The following THEM4 variants were observed in gnomAD, a reference collection of about 807,000 sequenced individuals.
THEM4 encodes thioesterase superfamily member 4.
Under a neutral mutation model 25.0 loss-of-function variants are expected in THEM4, and 22 were observed. The ratio of observed to expected loss-of-function variants is 0.88; its 90% CI spans 0.63 to 1.26. THEM4 has a LOEUF of 1.26. THEM4 is among the 50% of genes most tolerant of loss of function. THEM4 has a pLI of 0.00. For synonymous variants in THEM4, 113 were observed against 105.6 expected, an observed-to-expected ratio of 1.07 and a Z score of -0.43; for missense variants, 286 against 300.3, an observed-to-expected ratio of 0.95 and a Z score of 0.35.
intron 4 of THEM4, among the ~76,000 whole-genome samples, chr1:151,884,831 G>A (rs1311301771): frequency 6.6e-6 from 1 of 151,606 alleles, no homozygotes; most frequent in Admixed American, 6.6e-5. Context: ...TGAGATTACA[G>A]GTGCGCACCA....
chr1:151,901,137 C>T (rs1654342609), intron 1 of THEM4, among the ~76,000 whole-genome samples: 1 of 152,182 alleles, frequency 6.6e-6, no homozygotes, highest in Non-Finnish European at 1.5e-5. Flanking sequence ...GGGTAAATCT[C>T]TGTTAGGGGC....
intron 1 of THEM4, among the ~76,000 whole-genome samples, chr1:151,898,685 A>C (rs1654277327): frequency 6.6e-6 from 1 of 152,214 alleles, no homozygotes; most frequent in Non-Finnish European, 1.5e-5. Context: ...AGTCCACTGC[A>C]CCCTCTGCCA....
At chr1:151,897,456 G>C (rs1045041529) in intron 1 of THEM4, among the ~76,000 whole-genome samples, 1 of 152,144 alleles carries the variant, frequency 6.6e-6, no homozygotes, top group Non-Finnish European at 1.5e-5. Flanking sequence ...TCCTGCCCTC[G>C]AACATCGGAC....
At chr1:151,908,458 C>A (rs1415003202) in intron 1 of THEM4, among the ~76,000 whole-genome samples, 1 of 152,126 alleles carries the variant, frequency 6.6e-6, no homozygotes, top group South Asian at 2.1e-4. Context: ...TCTGTATGCC[C>A]TTTCGCTATT....
chr1:151,887,618 T>TTG lies in THEM4; in HGVS notation c.557+653_557+654dup, dbSNP rs369505174. ...CTGTGGACTGAAAAGACTCGGTGTT[T>TTG]TGTGTGTGTGTGTGTGTTTTTGTTG... On this transcript the variant is annotated intron_variant, in intron 4 of 5. Coordinates refer to ENST00000368814, the MANE Select transcript of THEM4 (RefSeq NM_053055.5). Among the ~76,000 whole-genome samples, 42 of 150,974 alleles carry TTG rather than the reference T, an allele frequency of 2.8e-4. 1 individual carries two copies. The Middle Eastern group carries it at 0.014, about 49-fold the overall frequency.
intron 2 of THEM4, among the ~76,000 whole-genome samples, chr1:151,892,762 C>G (rs1395786901): frequency 6.6e-6 from 1 of 152,026 alleles, no homozygotes; most frequent in African/African-American, 2.4e-5. Flanking sequence ...AAATTTCAAC[C>G]ATTTAATTAA....
intron 1 of THEM4, among the ~76,000 whole-genome samples, chr1:151,909,132 C>T (rs1654539830): frequency 6.6e-6 from 1 of 152,186 alleles, no homozygotes; most frequent in South Asian, 2.1e-4. Context: ...CCGACCCTGT[C>T]TCTTAAAAAA....
chr1:151,885,870 T>A (rs1471805555), intron 4 of THEM4, among the ~76,000 whole-genome samples: 1 of 152,242 alleles, frequency 6.6e-6, no homozygotes, highest in African/African-American at 2.4e-5. Context: ...GATTAAGGCA[T>A]CTGATGATTA....
intron 2 of THEM4, chr1:151,890,331 C>A (rs1267457423): frequency 6.1e-6 from 2 of 326,322 alleles, no homozygotes; most frequent in Admixed American, 3.4e-5. Context: ...GTTGGGGGAA[C>A]TGGATTGAAT....
intron 4 of THEM4, 71 bp from the exon 5 acceptor site, chr1:151,877,196 G>A (rs1346618791): frequency 1.5e-5 from 22 of 1,473,472 alleles, no homozygotes; most frequent in Non-Finnish European, 1.9e-5. Flanking sequence ...AGATGATCAA[G>A]TACATGACAA....
chr1:151,888,213 G>A, intron 4 of THEM4, 60 bp downstream of exon 4: 1 of 1,352,682 alleles, frequency 7.4e-7, no homozygotes, highest in Non-Finnish European at 1.0e-6. Context: ...GTCAAGATCT[G>A]CAACTGGGAA....
intron 1 of THEM4, among the ~76,000 whole-genome samples, chr1:151,906,731 G>A (rs1232412975): frequency 2.0e-5 from 3 of 152,212 alleles, no homozygotes; most frequent in African/African-American, 7.2e-5. Flanking sequence ...CAGGGGTTGT[G>A]AATGCACCAA....
At chr1:151,909,339 C>A in intron 1 of THEM4, 21 bp downstream of exon 1, 2 of 1,512,034 alleles carry the variant, frequency 1.3e-6, no homozygotes, top group Non-Finnish European at 1.8e-6. Context: ...CCGCCCCATG[C>A]CCGAGGGTGC....
Position 151,909,498 on chromosome 1 carries a change from C to A in THEM4, c.-40G>T. On this transcript the variant is annotated 5_prime_UTR_variant, in exon 1 of 6. Coordinates refer to ENST00000368814, the MANE Select transcript of THEM4 (RefSeq NM_053055.5). The stretch of plus-strand genomic sequence containing the variant: ...GGGCCGCGCTTGCTCTAGCCCTGGA[C>A]GGCGCACTCTACCTCCGCCACAAGA... 5 of 1,334,528 alleles carry A rather than the reference C, an allele frequency of 3.7e-6. No homozygotes were observed. The highest frequency in any genetic ancestry group is 4.8e-6 in the Non-Finnish European group (5 of 1,043,696). The allele number at this position is 1,334,528 out of a possible 1,614,324, so 82.7% of individuals were successfully genotyped here.
In THEM4 at chr1:151,878,989, G is replaced by A. The variant is rs151207027; in HGVS notation, c.558-1864C>T. ...TGAAAAGACTAATAATTTCTGGCAA[G>A]ACAGATCAAGACAATGAGAGAGAGC... On this transcript the variant is annotated intron_variant, in intron 4 of 5. Transcript: ENST00000368814. Among the ~76,000 whole-genome samples, 707 of 149,574 alleles carry A rather than the reference G, an allele frequency of 4.7e-3. 3 individuals are homozygous for A. The highest frequency in any genetic ancestry group is 7.6e-3 in the Non-Finnish European group (513 of 67,802).
chr1:151,880,883 CTT>C (rs1289921967), intron 4 of THEM4, among the ~76,000 whole-genome samples: 2 of 152,046 alleles, frequency 1.3e-5, no homozygotes, highest in Admixed American at 6.5e-5. Context: ...TTTATTTAGA[CTT>C]ATTTCTATCA....
rs1653609580 is a variant in THEM4, at chr1:151,873,890, T to A, written c.*998A>T. On this transcript the variant is annotated 3_prime_UTR_variant, in exon 6 of 6. Coordinates refer to ENST00000368814, the MANE Select transcript of THEM4 (RefSeq NM_053055.5). ...CAGGAGAATGGCCTTGGTCAACACCTTGATTTTGAACTTCTGGCCTCCAGA... is the reference window on the plus strand; with the variant it reads ...CAGGAGAATGGCCTTGGTCAACACCATGATTTTGAACTTCTGGCCTCCAGA... The A allele has an allele frequency of 6.6e-6, 1 of 152,212 alleles. No homozygotes were observed. 9.4% of individuals were successfully genotyped at this position (152,212 alleles called of 1,614,324 possible).
At chr1:151,894,681 T>C (rs1438804233) in intron 2 of THEM4, 10 of 493,170 alleles carry the variant, frequency 2.0e-5, no homozygotes, top group Non-Finnish European at 1.8e-5. Context: ...AGATATGGGA[T>C]AAAGGGTGAA....
At chr1:151,884,687 G>GTTTTTTTTTTTTTTTTTT (rs11371460) in intron 4 of THEM4, among the ~76,000 whole-genome samples, 3 of 146,504 alleles carry the variant, frequency 2.0e-5, no homozygotes, top group Non-Finnish European at 3.0e-5. Context: ...CCTTTTTTTT[G>GTTTTTTTTTTTTTTTTTT]TTTTTTTTTT....
Sources: allele counts gnomAD v4.1 joint callset (sites outside exome capture counted in the v4.1 genomes callset), GRCh38; gene constraint gnomAD v4.1.1; transcripts MANE v1.5; gene names NCBI Gene and HGNC (gene_info 2026-07-23, HGNC 2026-07-21).